The following MYPN variants were observed in gnomAD, a reference collection of about 807,000 sequenced individuals.
MYPN encodes the protein sarcomeric protein myopalladin, 145 kDa (MYOP).
A neutral mutation model predicts 129.4 loss-of-function variants in MYPN; 63 were observed. The observed-to-expected ratio is 0.49, with a 90% confidence interval of 0.40 to 0.60. MYPN has a LOEUF of 0.60. Ranked by LOEUF, MYPN falls within the 20% of genes least tolerant of loss-of-function variation. The probability of loss-of-function intolerance (pLI) is 0.00; values close to 1 mark genes in which losing one functional copy is unlikely to be tolerated. For synonymous variants in MYPN, 629 were observed against 600.9 expected (o/e 1.05, Z -0.68); for missense variants, 1,596 against 1,635.4 (o/e 0.98, Z 0.42).
intron 19 of MYPN, among the ~76,000 whole-genome samples, chr10:68,207,202 G>A (rs1176860593): frequency 2.0e-5 from 3 of 152,040 alleles, no homozygotes; most frequent in Non-Finnish European, 4.4e-5. Context: ...AGGTTGCAGT[G>A]ACCCGAGATT....
chr10:68,095,362 A>G (rs1209624118), intron 1 of MYPN, among the ~76,000 whole-genome samples: 1 of 151,888 alleles, frequency 6.6e-6, no homozygotes, highest in Non-Finnish European at 1.5e-5. Context: ...AAAAAAAAAA[A>G]AAAATTATAA....
rs367814057 is a variant in MYPN at position 68,188,888 on chromosome 10, G to A, written c.2704-17G>A. ...CCTTGCCATATGGAAATTGAAACAC[G>A]TTTGTCATTTTGACAGGAGTACAAA... On this transcript the variant is annotated splice_polypyrimidine_tract_variant and intron_variant, in intron 12 of 19. Transcript: ENST00000358913. The A allele has an allele frequency of 1.2e-4, 200 of 1,608,240 alleles. 3 individuals carry two copies. The South Asian group carries it at 1.9e-3, about 16-fold the overall frequency.
chr10:68,199,588 GCTGGGA>G lies in MYPN; in HGVS notation c.3493+15_3493+20del, dbSNP rs11279655. The G allele has an allele frequency of 0.47, 754,038 of 1,610,604 alleles. 180,124 individuals are homozygous for G. The highest frequency in any genetic ancestry group is 0.49 in the Non-Finnish European group (581,626 of 1,177,406). On this transcript the variant is annotated intron_variant, in intron 17 of 19. Coordinates refer to ENST00000358913, the MANE Select transcript of MYPN (RefSeq NM_032578.4). ...CTCTCTGTAGTAGGTAAGGTTTGCT[GCTGGGA>G]CCCCTAAACACAACTTCCTCCAAAG...
rs572400609 is a variant in MYPN, at chr10:68,210,814, TGAG to T, written c.*360_*362del. 2.1e-3 allele frequency: 959 copies of T among 464,788 alleles called. 5 individuals are homozygous for T. The highest frequency in any genetic ancestry group is 2.9e-3 in the Non-Finnish European group (669 of 234,026). 28.8% of individuals were successfully genotyped at this position (464,788 alleles called of 1,614,324 possible). On this transcript the variant is annotated 3_prime_UTR_variant, in exon 20 of 20. Transcript: ENST00000358913. The stretch of plus-strand genomic sequence containing the variant: ...GCAATTAGGAGCCATATGCCTGGGC[TGAG>T]AAGAGCTAGGCAGTAGTGACCTTAG...
chr10:68,132,450 C>A (rs952473669), intron 2 of MYPN, among the ~76,000 whole-genome samples: 1 of 152,162 alleles, frequency 6.6e-6, no homozygotes, highest in Admixed American at 6.5e-5. Flanking sequence ...TTTTCTTTCT[C>A]ATATTTTTGT....
chr10:68,127,942 G>T (rs2042352263), intron 2 of MYPN, among the ~76,000 whole-genome samples: 1 of 152,156 alleles, frequency 6.6e-6, no homozygotes, highest in South Asian at 2.1e-4. Flanking sequence ...ATGTGCTCCT[G>T]TGTATTATAT....
upstream of MYPN, among the ~76,000 whole-genome samples, chr10:68,105,014 C>T (rs2042001552): frequency 6.6e-6 from 1 of 152,144 alleles, no homozygotes; most frequent in Non-Finnish European, 1.5e-5. Flanking sequence ...GAACTCCTGA[C>T]CTCAGGTGAG....
intron 6 of MYPN, among the ~76,000 whole-genome samples, chr10:68,154,071 G>A (rs1564666677): frequency 1.3e-5 from 2 of 152,128 alleles, no homozygotes; most frequent in African/African-American, 2.4e-5. Context: ...ATTTGAGAGA[G>A]GACTGTGGGA....
At chr10:68,204,602 C>T (rs1490892265) in intron 18 of MYPN, among the ~76,000 whole-genome samples, 1 of 152,012 alleles carries the variant, frequency 6.6e-6, no homozygotes, top group East Asian at 1.9e-4. Context: ...CCTGTAATCC[C>T]AGCTACTTGG....
chr10:68,145,665 A>G lies in MYPN; in HGVS notation c.1130+139A>G, dbSNP rs182196322. 52 of 718,118 alleles carry G rather than the reference A, an allele frequency of 7.2e-5. No homozygotes were observed. The African/African-American group carries it at 8.9e-4, about 12-fold the overall frequency. 44.5% of individuals were successfully genotyped at this position (718,118 alleles called of 1,614,324 possible). A position where few individuals can be genotyped will look rare whatever the true frequency, so the allele number is the denominator to read the frequency against. On this transcript the variant is annotated intron_variant, in intron 4 of 19. Coordinates refer to ENST00000358913, the MANE Select transcript of MYPN (RefSeq NM_032578.4). ...CAAAAATAAATAAATAAACAAACAA[A>G]CAAACAAACAAATTGAGTGGATTTG... is the stretch of plus-strand genomic sequence containing the variant.
At chr10:68,145,330 A>G (rs1255958208) in intron 3 of MYPN, 145 bp from the exon 4 acceptor site, 4 of 680,134 alleles carry the variant, frequency 5.9e-6, no homozygotes, top group Non-Finnish European at 1.0e-5. Flanking sequence ...GGCGTTACTG[A>G]GTTCATTTCT....
At chr10:68,101,244 T>C (rs1167547237), upstream of MYPN, among the ~76,000 whole-genome samples, 1 of 152,074 alleles carries the variant, frequency 6.6e-6, no homozygotes, top group African/African-American at 2.4e-5. Context: ...AAGCAACAAG[T>C]AGTTGTTTAA....
intron 7 of MYPN, among the ~76,000 whole-genome samples, chr10:68,160,681 C>T (rs1002634712): frequency 1.3e-5 from 2 of 152,104 alleles, no homozygotes; most frequent in East Asian, 3.9e-4. Flanking sequence ...CTTTGGGAGG[C>T]TGAGGCGGGC....
intron 12 of MYPN, among the ~76,000 whole-genome samples, chr10:68,176,759 A>G (rs2043233666): frequency 6.6e-6 from 1 of 152,222 alleles, no homozygotes; most frequent in African/African-American, 2.4e-5. Flanking sequence ...CTTCTCTTCC[A>G]TCTTCTAGAC....
intron 6 of MYPN, among the ~76,000 whole-genome samples, chr10:68,151,385 A>G (rs2042767442): frequency 1.3e-5 from 2 of 152,234 alleles, no homozygotes; most frequent in Admixed American, 1.3e-4. Context: ...AGTTCAGTTC[A>G]TAACCTACAT....
intron 2 of MYPN, among the ~76,000 whole-genome samples, chr10:68,127,104 A>G (rs1219863958): frequency 6.7e-6 from 1 of 149,702 alleles, no homozygotes; most frequent in African/African-American, 2.5e-5. Flanking sequence ...CCTGCCTCCA[A>G]GCAATTCCCC....
Position 68,148,548 on chromosome 10 carries a change from A to G in MYPN, c.1245+81A>G, listed in dbSNP as rs559233261. The G allele has an allele frequency of 5.0e-5, 58 of 1,163,914 alleles. No homozygotes were observed. The African/African-American group carries it at 8.4e-4, about 17-fold the overall frequency. The allele number at this position is 1,163,914 out of a possible 1,614,324, so 72.1% of individuals were successfully genotyped here. Reference sequence around the variant, plus strand: ...GACCATGACCATCTTGCATGGCATGATCGTGTTTTTCTCAGGTGCAACTCC... The same window carrying G: ...GACCATGACCATCTTGCATGGCATGGTCGTGTTTTTCTCAGGTGCAACTCC... On this transcript the variant is annotated intron_variant, in intron 5 of 19. Coordinates refer to ENST00000358913, the MANE Select transcript of MYPN (RefSeq NM_032578.4).
At chr10:68,139,944 A>ATAAGACAAT (rs2042549007) in intron 2 of MYPN, among the ~76,000 whole-genome samples, 1 of 152,218 alleles carries the variant, frequency 6.6e-6, no homozygotes, top group African/African-American at 2.4e-5. Flanking sequence ...AAACAAGTAT[A>ATAAGACAAT]TAAGACAATT....
chr10:68,169,740 CT>C lies in MYPN; in HGVS notation c.1973+3087del, dbSNP rs575395237. Among the ~76,000 whole-genome samples the C allele has an allele frequency of 5.2e-3, 757 of 145,102 alleles. 3 individuals are homozygous for C. The highest frequency in any genetic ancestry group is 0.022 in the Middle Eastern group (6 of 278). On this transcript the variant is annotated intron_variant, in intron 10 of 19. Transcript: ENST00000358913. ...AGGGACAATGGGCAGAAGTCATAGC[CT>C]TTTTTTTTTTTTCTCCAAGATGGAG...
Sources: allele counts gnomAD v4.1 joint callset (sites outside exome capture counted in the v4.1 genomes callset), GRCh38; gene constraint gnomAD v4.1.1; transcripts MANE v1.5; gene names NCBI Gene and HGNC (gene_info 2026-07-23, HGNC 2026-07-21).